Variants in ABCC9 observed in about 807,000 individuals in gnomAD.
ABCC9 encodes ATP-binding cassette sub-family C member 9.
A neutral mutation model predicts 188.3 loss-of-function variants in ABCC9; 95 were observed. That is an observed-to-expected ratio of 0.50 (90% confidence interval 0.43 to 0.60). The LOEUF (loss-of-function observed/expected upper bound fraction) is 0.60. ABCC9 is among the 20% of genes least tolerant of loss of function. The pLI, the probability that ABCC9 is intolerant of heterozygous loss-of-function variation, is 0.00. For synonymous variants in ABCC9, 659 were observed against 652.7 expected (o/e 1.01, Z -0.15); for missense variants, 1,102 against 1,876.3 (o/e 0.59, Z 7.62).
chr12:21,939,816 A>G (rs943034681), intron 2 of ABCC9, among the ~76,000 whole-genome samples: 8 of 152,370 alleles, frequency 5.3e-5, no homozygotes, highest in South Asian at 2.1e-4. Flanking sequence ...ACGTATGTCT[A>G]TGGAGCAGAA....
intron 12 of ABCC9, among the ~76,000 whole-genome samples, chr12:21,902,846 G>A (rs1466306689): frequency 6.6e-6 from 1 of 152,126 alleles, no homozygotes; most frequent in Non-Finnish European, 1.5e-5. Flanking sequence ...ATTCACAGCT[G>A]AATTCTACCA....
chr12:21,885,717 C>T (rs990975070), intron 15 of ABCC9, among the ~76,000 whole-genome samples: 2 of 152,176 alleles, frequency 1.3e-5, no homozygotes, highest in Non-Finnish European at 2.9e-5. Flanking sequence ...CATATATAAA[C>T]ATGGCTGGTG....
At chr12:21,925,779 A>C (rs1298566313) in intron 5 of ABCC9, among the ~76,000 whole-genome samples, 163 bp downstream of exon 5, 1 of 151,946 alleles carries the variant, frequency 6.6e-6, no homozygotes. Flanking sequence ...CTTCAACCCC[A>C]CATTTACTGG....
rs188290333 is a variant in ABCC9, at chr12:21,800,941, G to T, written c.*103C>A. 121 of 1,420,964 alleles carry T rather than the reference G, an allele frequency of 8.5e-5. 1 individual carries two copies. The highest frequency in any genetic ancestry group is 7.8e-5 in the Non-Finnish European group (81 of 1,036,626). The allele number at this position is 1,420,964 out of a possible 1,614,324, so 88.0% of individuals were successfully genotyped here. On this transcript the variant is annotated 3_prime_UTR_variant, in exon 40 of 40. Coordinates refer to ENST00000261200, the MANE Select transcript of ABCC9 (RefSeq NM_020297.4). The stretch of plus-strand genomic sequence containing the variant: ...ATGTCCACTTTTTGTGCAAAAATCT[G>T]TAAAAGTTTTAAGATGCCACTTTAC...
chr12:21,929,471 TA>T (rs767497118), intron 4 of ABCC9, among the ~76,000 whole-genome samples: 15 of 149,464 alleles, frequency 1.0e-4, no homozygotes, highest in East Asian at 3.9e-4. Context: ...CTTCTATTAC[TA>T]AAAAAAAAAT....
intron 22 of ABCC9, among the ~76,000 whole-genome samples, chr12:21,853,868 G>GT (rs1266260823): frequency 3.3e-5 from 5 of 152,162 alleles, no homozygotes; most frequent in Admixed American, 6.6e-5. Flanking sequence ...GGACAAAGCA[G>GT]TAAAAAATGG....
chr12:21,932,218 A>G (rs1949317349), intron 4 of ABCC9, among the ~76,000 whole-genome samples: 1 of 152,086 alleles, frequency 6.6e-6, no homozygotes, highest in South Asian at 2.1e-4. Flanking sequence ...AAGTTTATAA[A>G]TATAATTCAT....
intron 33 of ABCC9, among the ~76,000 whole-genome samples, chr12:21,816,398 G>A (rs1942648479): frequency 6.6e-6 from 1 of 152,072 alleles, no homozygotes; most frequent in African/African-American, 2.4e-5. Flanking sequence ...GTACTACATG[G>A]AGGCCCCATG....
intron 9 of ABCC9, 29 bp from the exon 10 acceptor site, chr12:21,910,341 A>C: frequency 6.4e-7 from 1 of 1,559,202 alleles, no homozygotes; most frequent in Non-Finnish European, 8.7e-7. Context: ...AGAGTACATA[A>C]AGCTCTAAAC....
chr12:21,844,559 A>C lies in ABCC9; in HGVS notation c.3246-7T>G, dbSNP rs1944538320. On this transcript the variant is annotated splice_region_variant and splice_polypyrimidine_tract_variant and intron_variant, in intron 27 of 39. Transcript: ENST00000261200. ...GGGTGTGGTATCAAAAAACCTAGGC[A>C]ATAAACAGATGGAAGTATATGATAA... 1 of 1,612,838 alleles carries C rather than the reference A, an allele frequency of 6.2e-7. No homozygotes were observed. The highest frequency in any genetic ancestry group is 1.3e-5 in the African/African-American group (1 of 74,906).
At chr12:21,879,314 G>A (rs1946516605) in intron 16 of ABCC9, among the ~76,000 whole-genome samples, 1 of 152,126 alleles carries the variant, frequency 6.6e-6, no homozygotes, top group South Asian at 2.1e-4. Flanking sequence ...GGAGTATCAG[G>A]CATACAGGGA....
At chr12:21,882,264 C>T (rs1475034538) in intron 16 of ABCC9, among the ~76,000 whole-genome samples, 2 of 152,146 alleles carry the variant, frequency 1.3e-5, no homozygotes, top group Non-Finnish European at 2.9e-5. Flanking sequence ...CCCCAACTCT[C>T]GGTTGCCTGT....
At chr12:21,854,533 G>T (rs1254302935) in intron 22 of ABCC9, among the ~76,000 whole-genome samples, 1 of 152,088 alleles carries the variant, frequency 6.6e-6, no homozygotes, top group Admixed American at 6.6e-5. Flanking sequence ...AATTTCTTTG[G>T]ATGACAAGGG....
chr12:21,935,275 T>C (rs530247252), intron 3 of ABCC9, among the ~76,000 whole-genome samples: 1 of 152,286 alleles, frequency 6.6e-6, no homozygotes, highest in South Asian at 2.1e-4. Context: ...GCGTTCTTCA[T>C]GGCCTACAAA....
At chr12:21,821,491 G>T (rs1475112615) in intron 31 of ABCC9, among the ~76,000 whole-genome samples, 2 of 151,884 alleles carry the variant, frequency 1.3e-5, no homozygotes, top group African/African-American at 4.8e-5. Context: ...TTTTTATAAA[G>T]AACAGATTTG....
chr12:21,857,039 T>C (rs140182188), intron 22 of ABCC9, among the ~76,000 whole-genome samples: 239 of 152,268 alleles, frequency 1.6e-3, no homozygotes, highest in African/African-American at 5.5e-3. Flanking sequence ...TTTTAAACAA[T>C]GGAAATGTGA....
intron 28 of ABCC9, among the ~76,000 whole-genome samples, chr12:21,842,682 T>C (rs898753814): frequency 3.9e-5 from 6 of 152,364 alleles, no homozygotes; most frequent in African/African-American, 1.4e-4. Context: ...TAGTTGTCTA[T>C]CTACCTATTT....
chr12:21,912,047 T>G (rs1157900580), intron 8 of ABCC9, among the ~76,000 whole-genome samples: 2 of 151,970 alleles, frequency 1.3e-5, no homozygotes, highest in Non-Finnish European at 2.9e-5. Context: ...GTAAAGAGTG[T>G]GTTAAGGGAC....
chr12:21,903,306 A>T (rs529846016), intron 12 of ABCC9, among the ~76,000 whole-genome samples: 2 of 152,300 alleles, frequency 1.3e-5, no homozygotes, highest in South Asian at 4.1e-4. Flanking sequence ...ATTTATGACA[A>T]ACCCACAGCC....
Sources: gnomAD v4.1 joint callset for allele counts (sites outside exome capture counted in the v4.1 genomes callset) on GRCh38, gnomAD v4.1.1 for gene constraint, MANE v1.5 for transcripts, NCBI Gene and HGNC (gene_info 2026-07-23, HGNC 2026-07-21) for gene names.